AUTS2: variants seen among roughly 807,000 people sequenced by gnomAD.
AUTS2 encodes activator of transcription and developmental regulator AUTS2.
Under a neutral mutation model 112.4 loss-of-function variants are expected in AUTS2, and 17 were observed. That is an observed-to-expected ratio of 0.15 (90% CI 0.10 to 0.23). The LOEUF is 0.23. Among genes scored for constraint, AUTS2 ranks in the 10% least tolerant of loss-of-function variants. The pLI, the probability that AUTS2 is intolerant of heterozygous loss-of-function variation, is 1.00. For missense variants in AUTS2, 1,510 were observed against 1,701.6 expected, an observed-to-expected ratio of 0.89 and a Z score of 1.98; for synonymous variants, 751 against 702.7, an observed-to-expected ratio of 1.07 and a Z score of -1.09.
intron 4 of AUTS2, among the ~76,000 whole-genome samples, chr7:70,363,496 TGATA>T (rs1792383238): frequency 6.6e-6 from 1 of 151,088 alleles, no homozygotes; most frequent in African/African-American, 2.4e-5. Context: ...CTGAAGCTAT[TGATA>T]GTCTTATTTT....
At chr7:70,042,662 A>G (rs928096287) in intron 2 of AUTS2, among the ~76,000 whole-genome samples, 3 of 152,164 alleles carry the variant, frequency 2.0e-5, no homozygotes, top group Non-Finnish European at 4.4e-5. Context: ...CTATTTCACA[A>G]TCTTATTCTG....
At chr7:70,621,411 T>C (rs538046167) in intron 5 of AUTS2, among the ~76,000 whole-genome samples, 18 of 152,234 alleles carry the variant, frequency 1.2e-4, no homozygotes, top group Non-Finnish European at 2.5e-4. Flanking sequence ...ACCTGAACCA[T>C]TTTTAAATCC....
At chr7:70,343,268 CAT>C (rs534574906) in intron 4 of AUTS2, among the ~76,000 whole-genome samples, 166 of 152,330 alleles carry the variant, frequency 1.1e-3, no homozygotes, top group African/African-American at 3.9e-3. Flanking sequence ...ACAGGCCCAT[CAT>C]GTGTGTTATG....
chr7:70,101,135 C>T (rs1467010933), intron 2 of AUTS2, among the ~76,000 whole-genome samples: 2 of 152,126 alleles, frequency 1.3e-5, no homozygotes, highest in Non-Finnish European at 2.9e-5. Flanking sequence ...GCCTCGGCCT[C>T]CCAAAGTGCT....
At position 70,123,330 on chromosome 7, in the gene AUTS2, T is replaced by G. The variant is rs565554407; in HGVS notation, c.624+5097T>G. Among the ~76,000 whole-genome samples the G allele has an allele frequency of 2.0e-5, 3 of 152,298 alleles. No homozygotes were observed. In the East Asian group the frequency reaches 5.8e-4, roughly 29 times the overall value. ...TATTTTTTTACTTTTATTTTAGTTT[T>G]GGGGGTACATGTGAAGGTTTGTAAT... On this transcript the variant is annotated intron_variant, in intron 3 of 18. Transcript: ENST00000342771.
intron 5 of AUTS2, among the ~76,000 whole-genome samples, chr7:70,496,133 G>T (rs11975103): frequency 8.9e-5 from 7 of 78,270 alleles, no homozygotes; most frequent in African/African-American, 1.1e-4. Flanking sequence ...CATCAGCATC[G>T]ATCACACACC....
intron 2 of AUTS2, among the ~76,000 whole-genome samples, chr7:69,940,355 GGGATGAAACATGAA>G (rs1462391876): frequency 5.3e-5 from 8 of 152,184 alleles, no homozygotes; most frequent in African/African-American, 1.9e-4. Context: ...AATGTCTTTT[GGGATGAAACATGAA>G]GGATGAGTAG....
intron 2 of AUTS2, among the ~76,000 whole-genome samples, chr7:70,073,154 T>A (rs1321813740): frequency 6.7e-6 from 1 of 150,326 alleles, no homozygotes; most frequent in East Asian, 2.0e-4. Context: ...TCCTTTGCAA[T>A]GCTTTAGGCT....
At chr7:69,902,718 G>A (rs1795014624) in intron 2 of AUTS2, among the ~76,000 whole-genome samples, 1 of 152,148 alleles carries the variant, frequency 6.6e-6, no homozygotes, top group South Asian at 2.1e-4. Flanking sequence ...TTATAGGAAA[G>A]ATGTATAGTT....
intron 5 of AUTS2, among the ~76,000 whole-genome samples, chr7:70,669,798 G>T (rs1415370074): frequency 6.6e-6 from 1 of 152,212 alleles, no homozygotes; most frequent in Non-Finnish European, 1.5e-5. Context: ...GGGCTCTGAG[G>T]ATGCTTCAGC....
At chr7:70,431,578 G>A (rs1795673931) in intron 4 of AUTS2, among the ~76,000 whole-genome samples, 1 of 152,124 alleles carries the variant, frequency 6.6e-6, no homozygotes, top group South Asian at 2.1e-4. Context: ...TAGAGATGGC[G>A]TTTCACCATG....
chr7:70,550,948 T>A (rs1800992020), intron 5 of AUTS2, among the ~76,000 whole-genome samples: 1 of 152,024 alleles, frequency 6.6e-6, no homozygotes, highest in Admixed American at 6.6e-5. Flanking sequence ...CAGGCAGGAA[T>A]ATACAAGATG....
At chr7:69,780,184 A>G (rs1789086535) in intron 1 of AUTS2, among the ~76,000 whole-genome samples, 2 of 152,192 alleles carry the variant, frequency 1.3e-5, no homozygotes, top group African/African-American at 4.8e-5. Context: ...GGTATTTTCA[A>G]TTGATGTTTG....
chr7:70,608,794 TC>T lies in AUTS2; in HGVS notation c.691-89773del, dbSNP rs34228060. ...CTTCTAATAATCATTTTCCCCATCT[TC>T]CTTGTTAATAGAACCACTGCATTTT... On this transcript the variant is annotated intron_variant, in intron 5 of 18. Transcript: ENST00000342771. Among the ~76,000 whole-genome samples, 214 of 152,350 alleles carry T rather than the reference TC, an allele frequency of 1.4e-3. 1 individual carries two copies. Among genetic ancestry groups the T allele is most frequent in the Middle Eastern group, 3.4e-3 (1 of 294 alleles).
At chr7:69,819,454 G>T (rs1011098791) in intron 1 of AUTS2, among the ~76,000 whole-genome samples, 1 of 152,166 alleles carries the variant, frequency 6.6e-6, no homozygotes, top group Non-Finnish European at 1.5e-5. Context: ...TAGGCACTTT[G>T]TCAACCTCTA....
intron 4 of AUTS2, among the ~76,000 whole-genome samples, chr7:70,174,702 T>C (rs1168046595): frequency 6.6e-6 from 1 of 152,148 alleles, no homozygotes; most frequent in Non-Finnish European, 1.5e-5. Context: ...TGCCCTGTGC[T>C]CTAGAAATAA....
intron 1 of AUTS2, among the ~76,000 whole-genome samples, chr7:69,790,929 A>T (rs1329001364): frequency 6.6e-6 from 1 of 152,224 alleles, no homozygotes; most frequent in Non-Finnish European, 1.5e-5. Context: ...ATCCGCACTT[A>T]ACTGAAACTC....
At chr7:69,702,250 A>G (rs1276756091) in intron 1 of AUTS2, among the ~76,000 whole-genome samples, 1 of 152,204 alleles carries the variant, frequency 6.6e-6, no homozygotes, top group African/African-American at 2.4e-5. Context: ...GAAAACCTTT[A>G]TTCAGAAGCA....
chr7:69,785,386 A>T (rs1777266987), intron 1 of AUTS2, among the ~76,000 whole-genome samples: 1 of 152,212 alleles, frequency 6.6e-6, no homozygotes, highest in Non-Finnish European at 1.5e-5. Context: ...AAATTGCTAT[A>T]AAATTGTTCT....
Sources: allele counts gnomAD v4.1 joint callset (sites outside exome capture counted in the v4.1 genomes callset), GRCh38; gene constraint gnomAD v4.1.1; transcripts MANE v1.5; gene names NCBI Gene and HGNC (gene_info 2026-07-23, HGNC 2026-07-21).